KCTD2: variants seen among roughly 807,000 people sequenced by gnomAD.
The protein encoded by KCTD2 is BTB/POZ domain-containing protein KCTD2.
Under a neutral mutation model 27.9 loss-of-function variants are expected in KCTD2, and 18 were observed. The ratio of observed to expected loss-of-function variants is 0.64; its 90% CI spans 0.45 to 0.96. The LOEUF (loss-of-function observed/expected upper bound fraction) is 0.96, where lower values mean the gene tolerates loss of function less well. Ranked by LOEUF, KCTD2 falls within the 40% of genes least tolerant of loss-of-function variation. KCTD2 has a pLI of 0.00. For synonymous variants in KCTD2, 175 were observed against 148.4 expected (o/e 1.18, Z -1.30); for missense variants, 280 against 348.0 (o/e 0.80, Z 1.56).
rs894511725 is a variant in KCTD2 at position 75,063,637 on chromosome 17, A to G, written c.*590A>G. ...AATAGAGCCTCCAAGGAAAGGGAGG[A>G]TGGGGTGTCCTTTGTTGTGGTTGGA... On this transcript the variant is annotated 3_prime_UTR_variant, in exon 6 of 6. Coordinates refer to ENST00000322444, the MANE Select transcript of KCTD2 (RefSeq NM_015353.3). 1 of 153,198 alleles carries G rather than the reference A, an allele frequency of 6.5e-6. No homozygotes were observed. The highest frequency in any genetic ancestry group is 2.4e-5 in the African/African-American group (1 of 41,432). 9.5% of individuals were successfully genotyped at this position (153,198 alleles called of 1,614,324 possible).
rs2073237742 is a variant in KCTD2 at position 75,047,525 on chromosome 17, G to T, written c.275G>T (p.Arg92Leu). Residue 92 changes from arginine to leucine, a missense_variant, in exon 1 of 6, where the codon CGG (arginine) becomes CTG (leucine). Physicochemically the swap from Arg to Leu is moderately radical, Grantham distance 102 (BLOSUM62 -2). Coordinates refer to ENST00000322444, the MANE Select transcript of KCTD2 (RefSeq NM_015353.3). Reference protein sequence around the residue: ...YFVTTRQTLGREPKSFLCRLC... With the variant: ...YFVTTRQTLGLEPKSFLCRLC... Reference sequence around the variant, plus strand: ...GTGACCACCAGACAGACCTTAGGCCGGGAGCCCAAGTCATTTCTCTGCCGC... The same window carrying T: ...GTGACCACCAGACAGACCTTAGGCCTGGAGCCCAAGTCATTTCTCTGCCGC... 1 of 1,611,376 alleles carries T rather than the reference G, an allele frequency of 6.2e-7. No individual in the cohort carries two copies. The highest frequency in any genetic ancestry group is 8.5e-7 in the Non-Finnish European group (1 of 1,179,482).
At chr17:75,062,033 C>G in intron 4 of KCTD2, 87 bp from the exon 5 acceptor site, 2 of 1,480,592 alleles carry the variant, frequency 1.4e-6, no homozygotes, top group South Asian at 1.2e-5. Flanking sequence ...CTTAAAAGTT[C>G]AGTCGGAAGA....
chr17:75,062,699 A>ACACAC (rs1555642380), intron 5 of KCTD2, among the ~76,000 whole-genome samples: 2 of 116,072 alleles, frequency 1.7e-5, no homozygotes, highest in East Asian at 2.6e-4. Flanking sequence ...CCTCACCCCC[A>ACACAC]ACACACACAC....
Position 75,059,560 on chromosome 17 carries a change from C to T in KCTD2, c.591C>T (p.Leu197=). 1 of 1,614,136 alleles carries T rather than the reference C, an allele frequency of 6.2e-7. No individual in the cohort carries two copies. The highest frequency in any genetic ancestry group is 2.2e-5 in the East Asian group (1 of 44,876). ...TCCTGCAGTGTCAGGAAGAAGAGCTCACGCAGATGGTGTCCACGATGTCCG... is the reference window on the plus strand; with the variant it reads ...TCCTGCAGTGTCAGGAAGAAGAGCTTACGCAGATGGTGTCCACGATGTCCG... ...YRVLQCQEEE[L]TQMVSTMSDG... Residue 197 remains leucine, a synonymous_variant, in exon 4 of 6, where the codon CTC becomes CTT. Transcript: ENST00000322444.
intron 3 of KCTD2, among the ~76,000 whole-genome samples, chr17:75,053,632 G>A (rs1049748889): frequency 6.6e-6 from 1 of 151,904 alleles, no homozygotes; most frequent in African/African-American, 2.4e-5. Context: ...TAGTAGAGAT[G>A]GGGTTTCACC....
rs1598131321 is a variant in KCTD2 at position 75,064,104 on chromosome 17, A to G, written c.*1057A>G. On this transcript the variant is annotated 3_prime_UTR_variant, in exon 6 of 6. Transcript: ENST00000322444. Reference sequence around the variant, plus strand: ...TCCCCTCTGTACTGTCCCCAGTGGTATGTATGTATGTGCTAGGCAGTCTGG... The same window carrying G: ...TCCCCTCTGTACTGTCCCCAGTGGTGTGTATGTATGTGCTAGGCAGTCTGG... 1 of 152,582 alleles carries G rather than the reference A, an allele frequency of 6.6e-6. No individual in the cohort carries two copies. The highest frequency in any genetic ancestry group is 6.5e-5 in the Admixed American group (1 of 15,270). 9.5% of individuals were successfully genotyped at this position (152,582 alleles called of 1,614,324 possible). A position where few individuals can be genotyped will look rare whatever the true frequency, so the allele number is the denominator to read the frequency against.
intron 4 of KCTD2, chr17:75,060,648 G>C: frequency 6.5e-7 from 1 of 1,543,110 alleles, no homozygotes; most frequent in Non-Finnish European, 8.7e-7. Context: ...GAGTGGGCCC[G>C]GCCAGGGAGG....
At chr17:75,042,304 G>A, upstream of KCTD2, 1 of 1,610,284 alleles carries the variant, frequency 6.2e-7, no homozygotes, top group South Asian at 1.1e-5. Context: ...GCAAAAGTTA[G>A]GATTGTTCAT....
At chr17:75,048,942 T>G (rs2073257571) in intron 1 of KCTD2, 1 of 276,850 alleles carries the variant, frequency 3.6e-6, no homozygotes, top group Non-Finnish European at 6.7e-6. Context: ...CAGGCAAAGA[T>G]TGCAAATTCC....
intron 3 of KCTD2, chr17:75,040,229 C>T (rs867359664): frequency 2.3e-5 from 36 of 1,588,400 alleles, no homozygotes; most frequent in Middle Eastern, 2.3e-4. Flanking sequence ...AGTGAGTCGT[C>T]GCCAATACAC....
At chr17:75,046,720 C>G (rs1340188009), upstream of KCTD2, among the ~76,000 whole-genome samples, 1 of 152,254 alleles carries the variant, frequency 6.6e-6, no homozygotes, top group Admixed American at 6.5e-5. Context: ...ACAGCCGGGC[C>G]CCCCTGACCC....
chr17:75,047,727 C>A, intron 1 of KCTD2, 138 bp downstream of exon 1: 3 of 783,006 alleles, frequency 3.8e-6, no homozygotes, highest in Non-Finnish European at 5.9e-6. Context: ...CCCTCCCACA[C>A]TACTCGCAGG....
At chr17:75,046,767 CGA>C (rs1244926139), upstream of KCTD2, among the ~76,000 whole-genome samples, 3 of 152,028 alleles carry the variant, frequency 2.0e-5, no homozygotes, top group Non-Finnish European at 4.4e-5. Flanking sequence ...GATCGCGGGG[CGA>C]GGAGCGGCAG....
chr17:75,039,558 T>A (rs548802615), intron 3 of KCTD2: 60 of 422,446 alleles, frequency 1.4e-4, no homozygotes, highest in Admixed American at 6.8e-4. Flanking sequence ...GCTCAGCCAC[T>A]GAATGGTCAG....
intron 3 of KCTD2, among the ~76,000 whole-genome samples, chr17:75,038,507 G>C (rs2073125882): frequency 6.6e-6 from 1 of 152,178 alleles, no homozygotes; most frequent in African/African-American, 2.4e-5. Context: ...GTAAATCCCT[G>C]CTGTTACACC....
chr17:75,045,539 A>T (rs1411253988), upstream of KCTD2, among the ~76,000 whole-genome samples: 1 of 152,344 alleles, frequency 6.6e-6, no homozygotes, highest in Non-Finnish European at 1.5e-5. Flanking sequence ...CTAGGTGCGC[A>T]TTCTCTTTCT....
At chr17:75,042,572 T>C, upstream of KCTD2, 1 of 1,612,922 alleles carries the variant, frequency 6.2e-7, no homozygotes, top group Non-Finnish European at 8.5e-7. Flanking sequence ...GAACTAGCAA[T>C]GGCCTTTTGG....
chr17:75,036,389 G>A (rs1251512297), intron 3 of KCTD2, among the ~76,000 whole-genome samples: 1 of 152,224 alleles, frequency 6.6e-6, no homozygotes, highest in Non-Finnish European at 1.5e-5. Context: ...CCGAAGTGTT[G>A]TGATTACAGG....
At chr17:75,033,758 G>T (rs1298759784) in intron 1 of KCTD2, among the ~76,000 whole-genome samples, 3 of 152,226 alleles carry the variant, frequency 2.0e-5, no homozygotes, top group Non-Finnish European at 4.4e-5. Context: ...GCAGGTCCCT[G>T]CGCACCGCGG....
Sources: allele counts gnomAD v4.1 joint callset (sites outside exome capture counted in the v4.1 genomes callset), GRCh38; gene constraint gnomAD v4.1.1; transcripts MANE v1.5; gene names NCBI Gene and HGNC (gene_info 2026-07-23, HGNC 2026-07-21).